TXNDC11: variants seen among roughly 807,000 people sequenced by gnomAD.
TXNDC11 encodes the protein thioredoxin domain-containing protein 11.
In TXNDC11, 68 loss-of-function variants were observed where a neutral mutation model predicts 78.0. The ratio of observed to expected loss-of-function variants is 0.87; its 90% CI spans 0.72 to 1.07. The LOEUF (loss-of-function observed/expected upper bound fraction) is 1.07, where lower values mean the gene tolerates loss of function less well. TXNDC11 is among the 50% of genes least tolerant of loss of function. TXNDC11 has a pLI of 0.00. For missense variants in TXNDC11, 1,389 were observed against 1,221.8 expected (o/e 1.14, Z -2.04); for synonymous variants, 571 against 495.2 (o/e 1.15, Z -2.03).
intron 5 of TXNDC11, among the ~76,000 whole-genome samples, chr16:11,705,098 T>G (rs1353270660): frequency 6.6e-6 from 1 of 152,156 alleles, no homozygotes; most frequent in Admixed American, 6.6e-5. Context: ...GGTTTCACCA[T>G]GTTGGCCAGG....
chr16:11,740,643 C>A lies in TXNDC11; in HGVS notation c.254+1834G>T, dbSNP rs537089890. Among the ~76,000 whole-genome samples the A allele has an allele frequency of 3.5e-4, 54 of 152,332 alleles. 1 individual carries two copies. The highest frequency in any genetic ancestry group is 1.3e-3 in the African/African-American group (53 of 41,582). On this transcript the variant is annotated intron_variant, in intron 1 of 11. Coordinates refer to ENST00000283033, the MANE Select transcript of TXNDC11 (RefSeq NM_015914.7). ...TCTACCTTGTAAAATACTTTGTATA[C>A]TGTCCTTGTGGGAGACAAGAATAAA...
At chr16:11,739,982 C>G (rs1172937445) in intron 1 of TXNDC11, among the ~76,000 whole-genome samples, 2 of 151,928 alleles carry the variant, frequency 1.3e-5, no homozygotes, top group African/African-American at 4.8e-5. Context: ...CACCTGAAGT[C>G]AGGAGTTCGA....
chr16:11,681,674 C>T (rs1242026700), intron 11 of TXNDC11, among the ~76,000 whole-genome samples: 1 of 152,220 alleles, frequency 6.6e-6, no homozygotes, highest in Admixed American at 6.5e-5. Context: ...CCATCTCCCC[C>T]TCATCACCCT....
At position 11,709,423 on chromosome 16, in the gene TXNDC11, A is replaced by AT. The variant is rs149701958; in HGVS notation, c.794-8860dup. ...CCACCATGCGTAGCTAATTTTTTGT[A>AT]TTTTTTTTTTTTTTTTTTTTTTTTT... On this transcript the variant is annotated intron_variant, in intron 5 of 11. Transcript: ENST00000283033. Among the ~76,000 whole-genome samples, 519 of 55,572 alleles carry AT rather than the reference A, an allele frequency of 9.3e-3. 42 individuals carry two copies. Among genetic ancestry groups the AT allele is most frequent in the Non-Finnish European group, 0.01 (319 of 31,162 alleles). 36.5% of individuals were successfully genotyped at this position (55,572 alleles called of 152,430 possible).
chr16:11,737,851 CAAAAAAA>C (rs538318388), intron 1 of TXNDC11, among the ~76,000 whole-genome samples: 5 of 54,176 alleles, frequency 9.2e-5, no homozygotes, highest in Admixed American at 7.9e-4. Flanking sequence ...CTACGTCTCT[CAAAAAAA>C]AAAAAAAAAA....
At chr16:11,731,520 G>A (rs894146015) in intron 3 of TXNDC11, among the ~76,000 whole-genome samples, 1 of 152,128 alleles carries the variant, frequency 6.6e-6, no homozygotes, top group Non-Finnish European at 1.5e-5. Flanking sequence ...ATAATTGGAT[G>A]GTAGGTGGCA....
chr16:11,727,731 C>A (rs2051926641), intron 4 of TXNDC11, among the ~76,000 whole-genome samples: 2 of 140,588 alleles, frequency 1.4e-5, no homozygotes, highest in Non-Finnish European at 3.0e-5. Flanking sequence ...CATCTTCTCT[C>A]TACTGCCACC....
In TXNDC11 at chr16:11,684,195, A is replaced by G; in HGVS notation, c.2204T>C (p.Leu735Pro). Residue 735 changes from leucine to proline, a missense_variant, in exon 11 of 12, where the codon CTT becomes CCT. By Grantham distance (98) the Leu-to-Pro change is moderately conservative (BLOSUM62 -3). Transcript: ENST00000283033. The stretch of plus-strand genomic sequence containing the variant: ...GCAGGGAAAAAACAAGACAGTAGGA[A>G]GACGATCGACCATAAATTCCCAAGG... ...DLPWEFMVDR[L>P]PTVLFFPCNR... 1 of 1,614,014 alleles carries G rather than the reference A, an allele frequency of 6.2e-7. No homozygotes were observed. The highest frequency in any genetic ancestry group is 8.5e-7 in the Non-Finnish European group (1 of 1,179,904).
chr16:11,739,175 A>G (rs1176480943), intron 1 of TXNDC11, among the ~76,000 whole-genome samples: 1 of 152,224 alleles, frequency 6.6e-6, no homozygotes, highest in Non-Finnish European at 1.5e-5. Flanking sequence ...ATAAAGTACA[A>G]GGCCAATCAA....
chr16:11,700,442 A>G lies in TXNDC11; in HGVS notation c.906+10T>C. On this transcript the variant is annotated intron_variant, in intron 6 of 11. Coordinates refer to ENST00000283033, the MANE Select transcript of TXNDC11 (RefSeq NM_015914.7). ...CTGCGCTAACATAAACGTGATTTCAAAATACTTACAAGTGATGTGTTGAAA... is the reference window on the plus strand; with the variant it reads ...CTGCGCTAACATAAACGTGATTTCAGAATACTTACAAGTGATGTGTTGAAA... The G allele has an allele frequency of 3.7e-6, 5 of 1,346,440 alleles. No homozygotes were observed. The highest frequency in any genetic ancestry group is 5.3e-6 in the Non-Finnish European group (5 of 947,444). 83.4% of individuals were successfully genotyped at this position (1,346,440 alleles called of 1,614,324 possible).
chr16:11,731,299 T>C (rs2052037242), intron 3 of TXNDC11, among the ~76,000 whole-genome samples: 1 of 152,236 alleles, frequency 6.6e-6, no homozygotes, highest in Non-Finnish European at 1.5e-5. Context: ...TTTGAAGCTT[T>C]ATTACAACAA....
chr16:11,740,203 G>T (rs987026907), intron 1 of TXNDC11, among the ~76,000 whole-genome samples: 1 of 150,678 alleles, frequency 6.6e-6, no homozygotes. Flanking sequence ...TTAAAGCAAA[G>T]ATCTTAAAAC....
At chr16:11,686,315 C>T (rs2050566608) in intron 10 of TXNDC11, among the ~76,000 whole-genome samples, 1 of 152,154 alleles carries the variant, frequency 6.6e-6, no homozygotes, top group Non-Finnish European at 1.5e-5. Flanking sequence ...TGTTCTTTTC[C>T]ATTAACTGTA....
rs374625130 is a variant in TXNDC11 at position 11,726,881 on chromosome 16, C to T, written c.699+3764G>A. The stretch of plus-strand genomic sequence containing the variant: ...ACCAGCCTGGCCAAATGGTGAAACC[C>T]CATCTCTACTAAAAATACAAAAACA... On this transcript the variant is annotated intron_variant, in intron 4 of 11. Transcript: ENST00000283033. 7.2e-5 allele frequency among the ~76,000 whole-genome samples: 11 copies of T among 152,164 alleles called. No homozygotes were observed. In the East Asian group the frequency reaches 1.9e-3, roughly 27 times the overall value.
At chr16:11,740,861 C>G (rs1446268739) in intron 1 of TXNDC11, among the ~76,000 whole-genome samples, 1 of 152,212 alleles carries the variant, frequency 6.6e-6, no homozygotes, top group Non-Finnish European at 1.5e-5. Flanking sequence ...GACACCCATA[C>G]TAGGCTCTCA....
chr16:11,717,663 T>C (rs2051574805), intron 5 of TXNDC11, among the ~76,000 whole-genome samples: 1 of 148,818 alleles, frequency 6.7e-6, no homozygotes, highest in South Asian at 2.1e-4. Flanking sequence ...CTACTAAAAA[T>C]ACAAAAAATA....
At chr16:11,736,291 C>G in intron 1 of TXNDC11, 58 bp from the exon 2 acceptor site, 1 of 1,349,966 alleles carries the variant, frequency 7.4e-7, no homozygotes, top group East Asian at 2.5e-5. Context: ...AAAAATAGCT[C>G]TGTGGAAGTA....
chr16:11,717,989 A>G (rs1218884282), intron 5 of TXNDC11, among the ~76,000 whole-genome samples: 1 of 152,216 alleles, frequency 6.6e-6, no homozygotes, highest in East Asian at 1.9e-4. Flanking sequence ...AGTTACTATT[A>G]GAGTGCTGAG....
intron 11 of TXNDC11, among the ~76,000 whole-genome samples, chr16:11,682,691 G>T (rs1281937434): frequency 6.6e-6 from 1 of 152,176 alleles, no homozygotes; most frequent in Non-Finnish European, 1.5e-5. Context: ...CCACACAGAT[G>T]AAAGTGTTAG....
Sources: gnomAD v4.1 joint callset for allele counts (sites outside exome capture counted in the v4.1 genomes callset) on GRCh38, gnomAD v4.1.1 for gene constraint, MANE v1.5 for transcripts, NCBI Gene and HGNC (gene_info 2026-07-23, HGNC 2026-07-21) for gene names.